Variants in INSR observed in about 807,000 individuals in gnomAD.
The protein encoded by INSR is IR.
INSR carries 67 observed loss-of-function variants against 142.6 expected under a neutral mutation model. The ratio of observed to expected loss-of-function variants is 0.47; its 90% confidence interval spans 0.39 to 0.58. The LOEUF is 0.58. INSR is among the 20% of genes least tolerant of loss of function. The pLI is 0.00. For missense variants in INSR, 1,248 were observed against 1,833.2 expected, an observed-to-expected ratio of 0.68 and a Z score of 5.83; for synonymous variants, 756 against 743.1, an observed-to-expected ratio of 1.02 and a Z score of -0.28.
chr19:7,270,337 T>A (rs867624163), intron 1 of INSR, among the ~76,000 whole-genome samples: 14,278 of 93,104 alleles, frequency 0.15, 844 homozygotes, highest in Non-Finnish European at 0.17. Flanking sequence ...TCTCTCTCTC[T>A]CTCACACACA....
At chr19:7,270,088 A>G (rs1280898550) in intron 1 of INSR, among the ~76,000 whole-genome samples, 4 of 151,880 alleles carry the variant, frequency 2.6e-5, no homozygotes, top group African/African-American at 9.7e-5. Context: ...TCAGCCTCCC[A>G]AGAAGTGTCC....
intron 11 of INSR, among the ~76,000 whole-genome samples, chr19:7,148,952 G>A (rs572524458): frequency 8.7e-5 from 13 of 149,464 alleles, no homozygotes; most frequent in African/African-American, 2.0e-4. Context: ...GTGTCACCAC[G>A]CCCGGCTAAT....
Position 7,216,998 on chromosome 19 carries a change from TC to T in INSR, c.653-32362del, listed in dbSNP as rs139208197. ...AGCTAATTTTTCTTCTTCTTCTTCT[TC>T]TTTTTTTTTTTTTTGTAGAGATGGG... On this transcript the variant is annotated intron_variant, in intron 2 of 21. Transcript: ENST00000302850. The surrounding 1 kb of genome is among the most constrained non-coding windows in gnomAD (Gnocchi z 4.2). Among the ~76,000 whole-genome samples the T allele has an allele frequency of 0.26, 7,477 of 29,194 alleles. 232 individuals carry two copies. Among genetic ancestry groups the T allele is most frequent in the African/African-American group, 0.4 (2,806 of 6,980 alleles). 19.2% of individuals were successfully genotyped at this position (29,194 alleles called of 152,430 possible). A position where few individuals can be genotyped will look rare whatever the true frequency, so the allele number is the denominator to read the frequency against.
chr19:7,149,622 G>A (rs1973275030), intron 11 of INSR, among the ~76,000 whole-genome samples: 1 of 152,104 alleles, frequency 6.6e-6, no homozygotes, highest in Non-Finnish European at 1.5e-5. Context: ...GGGAGATCGA[G>A]ACCAGCCTGA....
chr19:7,199,842 C>T (rs1974904391), intron 2 of INSR, among the ~76,000 whole-genome samples: 1 of 70,268 alleles, frequency 1.4e-5, no homozygotes, highest in Non-Finnish European at 2.9e-5. Flanking sequence ...ACATACGCCC[C>T]GTGAAGGGAA....
At chr19:7,131,395 G>T (rs1972777503) in intron 14 of INSR, among the ~76,000 whole-genome samples, 1 of 151,744 alleles carries the variant, frequency 6.6e-6, no homozygotes, top group South Asian at 2.1e-4. Flanking sequence ...GCCCAGGCTG[G>T]AGTGCAGTGG....
At chr19:7,136,733 T>C (rs1472395173) in intron 13 of INSR, among the ~76,000 whole-genome samples, 1 of 151,970 alleles carries the variant, frequency 6.6e-6, no homozygotes, top group South Asian at 2.1e-4. Context: ...AACCTTTTCA[T>C]AGACACATTT....
intron 1 of INSR, among the ~76,000 whole-genome samples, chr19:7,293,478 C>T (rs1177873209): frequency 6.6e-6 from 1 of 152,212 alleles, no homozygotes; most frequent in Non-Finnish European, 1.5e-5. Flanking sequence ...TCCGGAGCGA[C>T]TTGGGCTCGG....
At chr19:7,256,931 C>CTTTTTTTT (rs772500676) in intron 2 of INSR, among the ~76,000 whole-genome samples, 7 of 109,476 alleles carry the variant, frequency 6.4e-5, no homozygotes, top group Non-Finnish European at 7.1e-5. Flanking sequence ...TCTACCCTAC[C>CTTTTTTTT]TTTTTTTTTT....
intron 9 of INSR, among the ~76,000 whole-genome samples, chr19:7,156,647 C>G (rs780538411): frequency 3.6e-4 from 54 of 151,980 alleles, no homozygotes; most frequent in South Asian, 6.2e-4. Context: ...GACCTAAAGG[C>G]ATGAGAGGAG....
intron 3 of INSR, among the ~76,000 whole-genome samples, chr19:7,182,334 C>CA (rs1974295549): frequency 6.6e-6 from 1 of 151,480 alleles, no homozygotes; most frequent in Non-Finnish European, 1.5e-5. Context: ...AACTCCATCT[C>CA]AAAAAAACAA....
In INSR at chr19:7,244,931, CTTTTTTTTTT is replaced by C. The variant is rs370936908; in HGVS notation, c.652+22404_652+22413del. ...ATGGGTTTTTTTGTTTTTGTTTTTG[CTTTTTTTTTT>C]TTTTTTTTTTTCAAGATGGAGTCTC... On this transcript the variant is annotated intron_variant, in intron 2 of 21. Transcript: ENST00000302850. Among the ~76,000 whole-genome samples, 14 of 88,058 alleles carry C rather than the reference CTTTTTTTTTT, an allele frequency of 1.6e-4. No homozygotes were observed. The Admixed American group carries it at 1.8e-3, about 11-fold the overall frequency. The allele number at this position is 88,058 out of a possible 152,430, so 57.8% of individuals were successfully genotyped here.
At chr19:7,257,011 C>T (rs1279085112) in intron 2 of INSR, among the ~76,000 whole-genome samples, 3 of 146,564 alleles carry the variant, frequency 2.0e-5, no homozygotes, top group Admixed American at 7.0e-5. Context: ...GGCACAATCT[C>T]GGCTCACTGC....
intron 2 of INSR, among the ~76,000 whole-genome samples, chr19:7,265,920 A>C (rs911761435): frequency 6.6e-6 from 1 of 152,166 alleles, no homozygotes; most frequent in Non-Finnish European, 1.5e-5. Flanking sequence ...CAACAAAAAC[A>C]ACAAAATGCA....
intron 2 of INSR, among the ~76,000 whole-genome samples, chr19:7,202,993 G>GT (rs1568484309): frequency 5.8e-5 from 8 of 138,388 alleles, no homozygotes; most frequent in African/African-American, 8.3e-5. Context: ...GTGGGGTTTT[G>GT]TTGTTTTTTT....
chr19:7,163,917 A>C (rs1167416477), intron 8 of INSR, among the ~76,000 whole-genome samples: 1 of 114,416 alleles, frequency 8.7e-6, no homozygotes, highest in Non-Finnish European at 1.8e-5. Flanking sequence ...GTGAAACCCT[A>C]TCTCTACTAA....
intron 2 of INSR, among the ~76,000 whole-genome samples, chr19:7,244,931 CTTTTTT>C (rs370936908): frequency 0.056 from 4,916 of 88,020 alleles, 229 homozygotes; most frequent in East Asian, 0.19. Flanking sequence ...TTTGTTTTTG[CTTTTTT>C]TTTTTTTTTT....
rs558301955 is a variant in INSR at position 7,166,135 on chromosome 19, A to T, written c.1861+19T>A. Reference sequence around the variant, plus strand: ...AGGTCTGATTCACATACGAATTCACATTCCCAAGACACACTCACTGGTGGC... The same window carrying T: ...AGGTCTGATTCACATACGAATTCACTTTCCCAAGACACACTCACTGGTGGC... On this transcript the variant is annotated intron_variant, in intron 8 of 21. Transcript: ENST00000302850. The surrounding 1 kb of genome is among the most constrained non-coding windows in gnomAD (Gnocchi z 4.1). 1 of 1,613,958 alleles carries T rather than the reference A, an allele frequency of 6.2e-7. No individual in the cohort carries two copies.
intron 2 of INSR, among the ~76,000 whole-genome samples, chr19:7,227,535 A>G (rs1475294151): frequency 1.3e-5 from 2 of 152,126 alleles, no homozygotes; most frequent in Non-Finnish European, 2.9e-5. Flanking sequence ...AGTCTCCCCA[A>G]ATGCTGCAAA....
Sources: gnomAD v4.1 joint callset for allele counts (sites outside exome capture counted in the v4.1 genomes callset) on GRCh38, gnomAD v4.1.1 for gene constraint, Gnocchi (gnomAD v3.1) non-coding constraint, MANE v1.5 for transcripts, NCBI Gene and HGNC (gene_info 2026-07-23, HGNC 2026-07-21) for gene names.